The following MRTFA variants were observed in gnomAD, a reference collection of about 807,000 sequenced individuals.
The protein encoded by MRTFA is myocardin-related transcription factor A.
A neutral mutation model predicts 83.5 loss-of-function variants in MRTFA; 20 were observed. The observed-to-expected ratio is 0.24, with a 90% confidence interval of 0.17 to 0.35. The LOEUF (loss-of-function observed/expected upper bound fraction) is 0.35. Ranked by LOEUF, MRTFA falls within the 10% of genes least tolerant of loss-of-function variation. The pLI, the probability that MRTFA is intolerant of heterozygous loss-of-function variation, is 1.00. For missense variants in MRTFA, 1,200 were observed against 1,224.7 expected (o/e 0.98, Z 0.30); for synonymous variants, 659 against 541.2 (o/e 1.22, Z -3.02).
At chr22:40,621,182 T>TAAA (rs764914497) in intron 1 of MRTFA, among the ~76,000 whole-genome samples, 3 of 132,980 alleles carry the variant, frequency 2.3e-5, no homozygotes, top group Non-Finnish European at 3.3e-5. Context: ...ACTCTGTCTT[T>TAAA]AAAAAAAAAA....
At chr22:40,511,726 C>A (rs1389241116) in intron 3 of MRTFA, among the ~76,000 whole-genome samples, 1 of 152,152 alleles carries the variant, frequency 6.6e-6, no homozygotes, top group African/African-American at 2.4e-5. Context: ...GTGGCAAGTG[C>A]CTACTGGTGG....
chr22:40,635,785 G>T (rs185309176), intron 1 of MRTFA, among the ~76,000 whole-genome samples: 42 of 152,276 alleles, frequency 2.8e-4, no homozygotes, highest in Admixed American at 1.3e-4. Context: ...GTATGCGATT[G>T]GTGCTATTAT....
At chr22:40,499,073 G>C (rs1012900381) in intron 3 of MRTFA, among the ~76,000 whole-genome samples, 4 of 151,382 alleles carry the variant, frequency 2.6e-5, no homozygotes, top group African/African-American at 9.7e-5. Flanking sequence ...ATATTCACAG[G>C]GTAGAAAAAA....
chr22:40,567,917 CTACTT>C (rs1182147136), intron 2 of MRTFA, among the ~76,000 whole-genome samples: 1 of 152,072 alleles, frequency 6.6e-6, no homozygotes, highest in African/African-American at 2.4e-5. Flanking sequence ...GAATATGCTC[CTACTT>C]TATAAAATGA....
In MRTFA at chr22:40,440,884, T is replaced by C. The variant is rs148760340; in HGVS notation, c.308-5330A>G. ...GTTTCCAAGTTTAGGCCTCTGCCAA[T>C]TGAAGAAAAAAAGGACTTAAAGTTA... is the stretch of plus-strand genomic sequence containing the variant. On this transcript the variant is annotated intron_variant, in intron 4 of 14. Transcript: ENST00000355630. Among the ~76,000 whole-genome samples, 443 of 152,178 alleles carry C rather than the reference T, an allele frequency of 2.9e-3. 3 individuals are homozygous for C. Among genetic ancestry groups the C allele is most frequent in the African/African-American group, 0.01 (422 of 41,506 alleles).
chr22:40,419,279 C>G lies in MRTFA; in HGVS notation c.1459G>C (p.Val487Leu). ...GCAGGGGCCTTGGGGGCTCCTGGCA[C>G]AGGGCTGATTTGGTCTTGATAGGCT... Residue 487 changes from valine to leucine, a missense_variant, in exon 12 of 15, where the codon GTG becomes CTG. By Grantham distance (32) the Val-to-Leu change is conservative. Around this residue, in one of 2 missense-constraint regions of MRTFA, gnomAD observed 1,107 missense variants for 1,041.8 expected, o/e 1.06. Coordinates refer to ENST00000355630, the MANE Select transcript of MRTFA (RefSeq NM_020831.6). The G allele has an allele frequency of 6.2e-7, 1 of 1,613,740 alleles. No homozygotes were observed.
Position 40,411,911 on chromosome 22 carries a change from C to T in MRTFA, c.2579-4G>A, listed in dbSNP as rs1178870563. On this transcript the variant is annotated splice_region_variant and splice_polypyrimidine_tract_variant and intron_variant, in intron 14 of 14. Transcript: ENST00000355630. ...TCCTTGAAATCTGCTGAAATTTCTG[C>T]CAATCAATCAAGAGAGTAAATGGAT... is the stretch of plus-strand genomic sequence containing the variant. The T allele has an allele frequency of 6.1e-6, 9 of 1,481,368 alleles. No individual in the cohort carries two copies. Among genetic ancestry groups the T allele is most frequent in the Admixed American group, 2.4e-5 (1 of 40,972 alleles). The allele number at this position is 1,481,368 out of a possible 1,614,324, so 91.8% of individuals were successfully genotyped here. A position where few individuals can be genotyped will look rare whatever the true frequency, so the allele number is the denominator to read the frequency against.
At position 40,547,866 on chromosome 22, in the gene MRTFA, A is replaced by G. The variant is rs538196594; in HGVS notation, c.241+4240T>C. 8.6e-5 allele frequency among the ~76,000 whole-genome samples: 13 copies of G among 151,728 alleles called. No homozygotes were observed. In the East Asian group the frequency reaches 1.4e-3, roughly 16 times the overall value. On this transcript the variant is annotated intron_variant, in intron 3 of 14. Transcript: ENST00000355630. ...GAGACTGTCTCCCAAAAAAAAAAAA[A>G]AAAAAGAAAAAGAAATGATGTCAGA...
intron 3 of MRTFA, among the ~76,000 whole-genome samples, chr22:40,482,568 C>G (rs1036458567): frequency 6.6e-6 from 1 of 152,180 alleles, no homozygotes; most frequent in Non-Finnish European, 1.5e-5. Flanking sequence ...TGGAGATAAA[C>G]TAGGAATGTG....
At chr22:40,622,196 T>C (rs1049247714) in intron 1 of MRTFA, among the ~76,000 whole-genome samples, 2 of 152,024 alleles carry the variant, frequency 1.3e-5, no homozygotes, top group Non-Finnish European at 2.9e-5. Context: ...ATTAAGAATT[T>C]TGGGGCCGGG....
intron 2 of MRTFA, among the ~76,000 whole-genome samples, chr22:40,566,396 AT>A (rs2055704082): frequency 6.6e-6 from 1 of 151,942 alleles, no homozygotes; most frequent in Non-Finnish European, 1.5e-5. Flanking sequence ...ATTTTTTTGC[AT>A]TTTTAGTAGA....
chr22:40,521,672 T>A (rs1182574681), intron 3 of MRTFA: 1 of 151,970 alleles, frequency 6.6e-6, no homozygotes, highest in African/African-American at 2.4e-5. Context: ...CCAATTTTTG[T>A]ATTTTAGTAT....
chr22:40,488,363 C>T (rs1272714208), intron 3 of MRTFA, among the ~76,000 whole-genome samples: 1 of 152,050 alleles, frequency 6.6e-6, no homozygotes, highest in Non-Finnish European at 1.5e-5. Flanking sequence ...TAGAACTGTG[C>T]TATCAGACAT....
intron 3 of MRTFA, among the ~76,000 whole-genome samples, chr22:40,471,219 TAAAAAAAAAAAA>T (rs61206773): frequency 2.1e-4 from 9 of 42,696 alleles, no homozygotes; most frequent in South Asian, 1.3e-3. Flanking sequence ...CTGTTTCTAT[TAAAAAAAAAAAA>T]AAAAAAAAAA....
At chr22:40,558,882 T>C (rs780807204) in intron 2 of MRTFA, among the ~76,000 whole-genome samples, 31 of 151,152 alleles carry the variant, frequency 2.1e-4, no homozygotes, top group Non-Finnish European at 4.1e-4. Flanking sequence ...GCCTCCTAGG[T>C]TCAAGTGATT....
chr22:40,500,700 C>A (rs570562362), intron 3 of MRTFA, among the ~76,000 whole-genome samples: 705 of 144,056 alleles, frequency 4.9e-3, no homozygotes, highest in African/African-American at 0.018. Context: ...CAGAGAGCAC[C>A]GGGTTGGGGG....
chr22:40,423,530 A>G lies in MRTFA; in HGVS notation c.927+6T>C. 6.7e-7 allele frequency: 1 copy of G among 1,485,106 alleles called. No individual in the cohort carries two copies. The highest frequency in any genetic ancestry group is 1.4e-5 in the South Asian group (1 of 71,526). 92.0% of individuals were successfully genotyped at this position (1,485,106 alleles called of 1,614,324 possible). On this transcript the variant is annotated splice_donor_region_variant and intron_variant, in intron 9 of 14. Coordinates refer to ENST00000355630, the MANE Select transcript of MRTFA (RefSeq NM_020831.6). The stretch of plus-strand genomic sequence containing the variant: ...GGGGAGGGTACAATCACTGGCAGAA[A>G]TGTACCTTAATGAGTGTGGGGGTGG...
rs553859452 is a variant in MRTFA, at chr22:40,439,927, A to C, written c.308-4373T>G. On this transcript the variant is annotated intron_variant, in intron 4 of 14. Transcript: ENST00000355630. The stretch of plus-strand genomic sequence containing the variant: ...AGCACTCTGGGAGGCTCAGGCAGGC[A>C]GATCACCTGAGGTCAGGAGTTCAGG... 1.9e-5 allele frequency: 3 copies of C among 156,632 alleles called. No homozygotes were observed. The Admixed American group carries it at 1.9e-4, about 10-fold the overall frequency. 9.7% of individuals were successfully genotyped at this position (156,632 alleles called of 1,614,324 possible).
chr22:40,569,656 C>T (rs1394845110), intron 2 of MRTFA: 3 of 152,404 alleles, frequency 2.0e-5, no homozygotes, highest in Non-Finnish European at 4.4e-5. Context: ...TGGAGTTTGC[C>T]GTAAGCCGAG....
Sources: gnomAD v4.1 joint callset for allele counts (sites outside exome capture counted in the v4.1 genomes callset) on GRCh38, gnomAD v4.1.1 for gene constraint, gnomAD v4.1.1 regional missense constraint, MANE v1.5 for transcripts, NCBI Gene and HGNC (gene_info 2026-07-23, HGNC 2026-07-21) for gene names.